Variants in SENP5 observed in about 807,000 individuals in gnomAD.
The protein encoded by SENP5 is sentrin-specific protease 5.
A neutral mutation model predicts 74.2 loss-of-function variants in SENP5; 21 were observed. The observed-to-expected ratio is 0.28, with a 90% CI of 0.20 to 0.41. The LOEUF is 0.41. Among genes scored for constraint, SENP5 ranks in the 10% least tolerant of loss-of-function variants. The pLI, the probability that SENP5 is intolerant of heterozygous loss-of-function variation, is 1.00. For missense variants in SENP5, 717 were observed against 889.1 expected, an observed-to-expected ratio of 0.81 and a Z score of 2.46; for synonymous variants, 311 against 312.7, an observed-to-expected ratio of 0.99 and a Z score of 0.06.
intron 6 of SENP5, among the ~76,000 whole-genome samples, chr3:196,908,067 GC>G (rs1288570026): frequency 6.6e-6 from 1 of 152,196 alleles, no homozygotes; most frequent in East Asian, 1.9e-4. Flanking sequence ...GATTGCTTGA[GC>G]CCAAGAGTTT....
chr3:196,886,753 C>T lies in SENP5; in HGVS notation c.1513+59C>T, dbSNP rs1436654335. On this transcript the variant is annotated intron_variant, in intron 2 of 9. Coordinates refer to ENST00000323460, the MANE Select transcript of SENP5 (RefSeq NM_152699.5). ...CAAGCTCACATTTGCTGTGCATTATCCTTGCTAATAAGAGTCCTATTTTTT... is the reference window on the plus strand; with the variant it reads ...CAAGCTCACATTTGCTGTGCATTATTCTTGCTAATAAGAGTCCTATTTTTT... 1.0e-5 allele frequency: 14 copies of T among 1,376,714 alleles called. No individual in the cohort carries two copies. The East Asian group carries it at 3.1e-4, about 30-fold the overall frequency. 85.3% of individuals were successfully genotyped at this position (1,376,714 alleles called of 1,614,324 possible). A position where few individuals can be genotyped will look rare whatever the true frequency, so the allele number is the denominator to read the frequency against.
rs867247039 is a variant in SENP5, at chr3:196,933,012, G to A, written c.*2089G>A. On this transcript the variant is annotated 3_prime_UTR_variant, in exon 10 of 10. Transcript: ENST00000323460. ...TGGCTTAGACTAAATGTTGAGTTTG[G>A]GTTTTTTGTTTTTTTTTTTTTTTGA... 2.8e-5 allele frequency: 2 copies of A among 71,614 alleles called. No individual in the cohort carries two copies. Among genetic ancestry groups the A allele is most frequent in the African/African-American group, 1.2e-4 (2 of 17,192 alleles). 4.4% of individuals were successfully genotyped at this position (71,614 alleles called of 1,614,324 possible).
At chr3:196,915,914 G>C (rs1715350121) in intron 6 of SENP5, among the ~76,000 whole-genome samples, 1 of 152,126 alleles carries the variant, frequency 6.6e-6, no homozygotes, top group African/African-American at 2.4e-5. Flanking sequence ...AATTTCCTTT[G>C]AATACCTGGA....
At chr3:196,920,948 A>G (rs530462098) in intron 6 of SENP5, among the ~76,000 whole-genome samples, 24 of 152,370 alleles carry the variant, frequency 1.6e-4, no homozygotes, top group African/African-American at 5.8e-4. Context: ...CAGAGAAGTC[A>G]CATGGCAATG....
chr3:196,869,826 A>G (rs1219056312), intron 1 of SENP5, among the ~76,000 whole-genome samples: 3 of 124,066 alleles, frequency 2.4e-5, no homozygotes, highest in African/African-American at 3.3e-5. Context: ...CCTGGGCTAT[A>G]TTACTTTCTA....
In SENP5 at chr3:196,902,312, A is replaced by G. The variant is rs561709728; in HGVS notation, c.1807-1221A>G. Reference sequence around the variant, plus strand: ...GCTAGTTTATTTTTATTTTTGGTAGAGCCAGGAGTCTTGCTATGTTGCCCA... The same window carrying G: ...GCTAGTTTATTTTTATTTTTGGTAGGGCCAGGAGTCTTGCTATGTTGCCCA... On this transcript the variant is annotated intron_variant, in intron 5 of 9. Transcript: ENST00000323460. Among the ~76,000 whole-genome samples, 293 of 152,284 alleles carry G rather than the reference A, an allele frequency of 1.9e-3. 2 individuals are homozygous for G. Among genetic ancestry groups the G allele is most frequent in the Non-Finnish European group, 3.5e-3 (237 of 68,030 alleles).
rs369654379 is a variant in SENP5 at position 196,896,737 on chromosome 3, G to A, written c.1514-2929G>A. Among the ~76,000 whole-genome samples, 208 of 152,224 alleles carry A rather than the reference G, an allele frequency of 1.4e-3. 1 individual carries two copies. The highest frequency in any genetic ancestry group is 4.9e-3 in the African/African-American group (202 of 41,528). ...GCTGGGATTACAGGCATGAGCCACC[G>A]CACCTGGCCCAGTGTCTCTATTTGT... On this transcript the variant is annotated intron_variant, in intron 2 of 9. Transcript: ENST00000323460.
intron 7 of SENP5, among the ~76,000 whole-genome samples, chr3:196,924,553 G>T (rs1715743065): frequency 6.6e-6 from 1 of 152,184 alleles, no homozygotes; most frequent in East Asian, 1.9e-4. Flanking sequence ...TGCCCATTAT[G>T]TTAGAAAAAG....
chr3:196,907,279 C>G (rs920331667), intron 6 of SENP5, among the ~76,000 whole-genome samples: 1 of 151,924 alleles, frequency 6.6e-6, no homozygotes, highest in Non-Finnish European at 1.5e-5. Flanking sequence ...AGAGACCATC[C>G]TGGCTAACAC....
chr3:196,918,438 G>T (rs1418717085), intron 6 of SENP5, among the ~76,000 whole-genome samples: 4 of 148,204 alleles, frequency 2.7e-5, no homozygotes, highest in South Asian at 4.2e-4. Context: ...TGAAATAGTT[G>T]TTTATAAGAT....
At chr3:196,895,517 T>C (rs1210917535) in intron 2 of SENP5, among the ~76,000 whole-genome samples, 1 of 152,078 alleles carries the variant, frequency 6.6e-6, no homozygotes, top group Non-Finnish European at 1.5e-5. Flanking sequence ...AAAAAGTTCT[T>C]TTTTATTTTT....
intron 1 of SENP5, among the ~76,000 whole-genome samples, chr3:196,882,163 T>G (rs1313128696): frequency 6.6e-6 from 1 of 152,072 alleles, no homozygotes; most frequent in African/African-American, 2.4e-5. Flanking sequence ...CCTCCCAAAG[T>G]GCTGGGATTA....
chr3:196,900,438 GGA>G (rs750663136), intron 5 of SENP5, 26 bp downstream of exon 5: 7 of 1,585,030 alleles, frequency 4.4e-6, no homozygotes, highest in South Asian at 3.5e-5. Context: ...CTCTTCTGCA[GGA>G]GAGAGTGTTC....
intron 6 of SENP5, among the ~76,000 whole-genome samples, chr3:196,911,489 G>A (rs2108848870): frequency 6.6e-6 from 1 of 151,946 alleles, no homozygotes; most frequent in South Asian, 2.1e-4. Context: ...CCTGGGAAGT[G>A]GAAGTTGCAG....
At chr3:196,903,345 G>C (rs1378235790) in intron 5 of SENP5, among the ~76,000 whole-genome samples, 188 bp from the exon 6 acceptor site, 1 of 152,112 alleles carries the variant, frequency 6.6e-6, no homozygotes, top group Non-Finnish European at 1.5e-5. Context: ...TCACCATGTT[G>C]GCCAGGCTGG....
chr3:196,886,692 C>G lies in SENP5; in HGVS notation c.1511C>G (p.Ser504Cys), dbSNP rs557472142. ...VDDEQLSVCL[S>C]GFLDEVMKKY... Reference sequence around the variant, plus strand: ...GATGAACAGCTGTCAGTCTGTCTTTCTGGTATGCACTTTTCCTTTATTCTC... The same window carrying G: ...GATGAACAGCTGTCAGTCTGTCTTTGTGGTATGCACTTTTCCTTTATTCTC... The change falls in exon 2 of 10, where the codon TCT becomes TGT. Residue 504 changes from serine to cysteine, a missense_variant and splice_region_variant. Ser to Cys is a moderately radical substitution (Grantham distance 112, BLOSUM62 -1). Around this residue, in one of 4 missense-constraint regions of SENP5, gnomAD observed 64 missense variants for 100.8 expected, o/e 0.64. Transcript: ENST00000323460. 2 of 1,534,670 alleles carry G rather than the reference C, an allele frequency of 1.3e-6. No homozygotes were observed. Among genetic ancestry groups the G allele is most frequent in the African/African-American group, 2.8e-5 (2 of 72,388 alleles).
chr3:196,875,013 C>T (rs983800272), intron 1 of SENP5, among the ~76,000 whole-genome samples: 2 of 152,230 alleles, frequency 1.3e-5, no homozygotes, highest in African/African-American at 4.8e-5. Context: ...CTGGAATTCA[C>T]ATGATGTCCT....
chr3:196,895,020 C>T (rs1218088713), intron 2 of SENP5, among the ~76,000 whole-genome samples: 1 of 152,028 alleles, frequency 6.6e-6, no homozygotes, highest in African/African-American at 2.4e-5. Context: ...CTGATGGGCC[C>T]GTTCTGAGGT....
At chr3:196,901,720 G>T (rs912967855) in intron 5 of SENP5, among the ~76,000 whole-genome samples, 5 of 152,150 alleles carry the variant, frequency 3.3e-5, no homozygotes, top group African/African-American at 1.2e-4. Context: ...AGGCTAATCT[G>T]CTAGATGCTC....
Sources: gnomAD v4.1 joint callset for allele counts (sites outside exome capture counted in the v4.1 genomes callset) on GRCh38, gnomAD v4.1.1 for gene constraint, gnomAD v4.1.1 regional missense constraint, MANE v1.5 for transcripts, NCBI Gene and HGNC (gene_info 2026-07-23, HGNC 2026-07-21) for gene names.